The following DAB1 variants were observed in gnomAD, a reference collection of about 807,000 sequenced individuals.
DAB1 encodes the protein DAB adaptor protein 1, also known as disabled homolog 1.
Under a neutral mutation model 64.6 loss-of-function variants are expected in DAB1, and 15 were observed. The observed-to-expected ratio is 0.23, with a 90% CI of 0.16 to 0.36. The LOEUF is 0.36. Ranked by LOEUF, DAB1 falls within the 10% of genes least tolerant of loss-of-function variation. The pLI is 1.00. For synonymous variants in DAB1, 235 were observed against 251.9 expected (o/e 0.93, Z 0.64); for missense variants, 596 against 706.7 (o/e 0.84, Z 1.78).
At chr1:57,402,950 A>G (rs1457562581) in intron 1 of DAB1, among the ~76,000 whole-genome samples, 1 of 152,132 alleles carries the variant, frequency 6.6e-6, no homozygotes, top group Admixed American at 6.5e-5. Context: ...CCTGCCCAAC[A>G]AACTGGCTTT....
At chr1:57,931,556 G>A (rs1406283052) in intron 5 of DAB1, among the ~76,000 whole-genome samples, 1 of 152,150 alleles carries the variant, frequency 6.6e-6, no homozygotes, top group Non-Finnish European at 1.5e-5. Flanking sequence ...GATCGATTGT[G>A]TCTTCTTGTG....
intron 3 of DAB1, chr1:58,481,230 A>C: frequency 1.7e-6 from 1 of 583,072 alleles, no homozygotes; most frequent in Non-Finnish European, 2.9e-6. Context: ...ATGTATTCAG[A>C]TTGTTTCAGT....
chr1:58,289,402 C>T (rs1661763656), intron 4 of DAB1, among the ~76,000 whole-genome samples: 1 of 152,118 alleles, frequency 6.6e-6, no homozygotes, highest in Non-Finnish European at 1.5e-5. Flanking sequence ...AGGAATGGAA[C>T]CTCAATGTTT....
intron 2 of DAB1, among the ~76,000 whole-genome samples, chr1:58,523,980 C>T (rs571081134): frequency 1.3e-5 from 2 of 152,282 alleles, no homozygotes; most frequent in South Asian, 4.1e-4. Context: ...GGAACCAATC[C>T]AGAAAAAGCG....
chr1:57,846,488 T>C (rs1653292422), intron 1 of DAB1, among the ~76,000 whole-genome samples: 2 of 151,338 alleles, frequency 1.3e-5, no homozygotes, highest in Admixed American at 6.6e-5. Flanking sequence ...CAATGCTTCC[T>C]CTCCTCCCTC....
At chr1:57,053,966 C>T (rs1463733618) in intron 9 of DAB1, among the ~76,000 whole-genome samples, 1 of 151,982 alleles carries the variant, frequency 6.6e-6, no homozygotes, top group Non-Finnish European at 1.5e-5. Flanking sequence ...GGATTACAGG[C>T]ATGAGCCACC....
At chr1:57,559,395 A>C (rs1396829284) in intron 7 of DAB1, among the ~76,000 whole-genome samples, 1 of 152,202 alleles carries the variant, frequency 6.6e-6, no homozygotes, top group Non-Finnish European at 1.5e-5. Context: ...GAAGGACCCC[A>C]CTATGCTACT....
chr1:57,284,354 T>A (rs1431994779), intron 2 of DAB1, among the ~76,000 whole-genome samples: 1 of 152,220 alleles, frequency 6.6e-6, no homozygotes, highest in African/African-American at 2.4e-5. Context: ...TTCTCTGTTC[T>A]GCAGAAGACC....
chr1:57,187,847 G>C (rs1174137243), intron 2 of DAB1, among the ~76,000 whole-genome samples: 1 of 152,022 alleles, frequency 6.6e-6, no homozygotes, highest in East Asian at 1.9e-4. Context: ...GAGAGAGAGA[G>C]AGAGACTCCC....
At chr1:58,360,539 G>A (rs921407097) in intron 3 of DAB1, among the ~76,000 whole-genome samples, 13 of 152,062 alleles carry the variant, frequency 8.5e-5, no homozygotes, top group African/African-American at 2.7e-4. Context: ...GATTTCCACT[G>A]CACTTTCTGG....
chr1:57,503,250 CT>C lies in DAB1; in HGVS notation n.625+146341del, dbSNP rs978175277. Among the ~76,000 whole-genome samples, 92 of 152,336 alleles carry C rather than the reference CT, an allele frequency of 6.0e-4. 1 individual carries two copies. Among genetic ancestry groups the C allele is most frequent in the African/African-American group, 2.1e-3 (89 of 41,576 alleles). On this transcript the variant is annotated intron_variant and non_coding_transcript_variant, in intron 7 of 20. Coordinates refer to the DAB1 transcript ENST00000485760. ...ATGATCTTCTCCTTAGAGCATTCCC[CT>C]TAAATCCCTTCTCTTTCATTGCCCT...
intron 2 of DAB1, among the ~76,000 whole-genome samples, chr1:57,216,068 C>T (rs1666404038): frequency 6.6e-6 from 1 of 152,046 alleles, no homozygotes; most frequent in African/African-American, 2.4e-5. Flanking sequence ...TTGCTCTTTG[C>T]TTTCTACACA....
chr1:58,300,544 A>AAAAGGAAG (rs1662099410), intron 4 of DAB1, among the ~76,000 whole-genome samples: 6 of 101,084 alleles, frequency 5.9e-5, no homozygotes, highest in Non-Finnish European at 1.2e-4. Context: ...TGAAACTCTG[A>AAAAGGAAG]AAAGAAAGAA....
At chr1:57,435,916 CTTT>C (rs1183686656) in intron 7 of DAB1, among the ~76,000 whole-genome samples, 3 of 127,190 alleles carry the variant, frequency 2.4e-5, no homozygotes, top group African/African-American at 2.9e-5. Context: ...TTTTTTCTTT[CTTT>C]TTTTTTTTTT....
intron 1 of DAB1, among the ~76,000 whole-genome samples, chr1:57,419,493 TAA>T (rs201933527): frequency 0.037 from 4,904 of 131,618 alleles, 255 homozygotes; most frequent in African/African-American, 0.12. Flanking sequence ...TATTTCCAAT[TAA>T]AAAAAAAAAA....
intron 3 of DAB1, among the ~76,000 whole-genome samples, chr1:58,491,452 C>A (rs1645687665): frequency 1.3e-5 from 2 of 152,064 alleles, no homozygotes; most frequent in Admixed American, 6.5e-5. Flanking sequence ...ATGTTCCAAT[C>A]AAAAGACACA....
At chr1:57,234,326 A>G (rs1223518501) in intron 2 of DAB1, among the ~76,000 whole-genome samples, 1 of 152,174 alleles carries the variant, frequency 6.6e-6, no homozygotes, top group Non-Finnish European at 1.5e-5. Context: ...GAATTCATGA[A>G]TATTCCCACC....
intron 5 of DAB1, among the ~76,000 whole-genome samples, chr1:57,946,267 CAG>C (rs1416778044): frequency 6.6e-6 from 1 of 152,178 alleles, no homozygotes; most frequent in Non-Finnish European, 1.5e-5. Context: ...AAGATGCACT[CAG>C]AGTGGGGCAG....
intron 1 of DAB1, among the ~76,000 whole-genome samples, chr1:57,375,591 GCCAGCATTTGAAT>G (rs1212114780): frequency 2.6e-5 from 4 of 152,088 alleles, no homozygotes; most frequent in Non-Finnish European, 5.9e-5. Flanking sequence ...AAACATAAGG[GCCAGCATTTGAAT>G]CCAGACAGTC....
Sources: gnomAD v4.1 joint callset for allele counts (sites outside exome capture counted in the v4.1 genomes callset) on GRCh38, gnomAD v4.1.1 for gene constraint, MANE v1.5 for transcripts, NCBI Gene and HGNC (gene_info 2026-07-23, HGNC 2026-07-21) for gene names.